The following KCNH7 variants were observed in gnomAD, a reference collection of about 807,000 sequenced individuals.
The protein encoded by KCNH7 is voltage-gated inwardly rectifying potassium channel KCNH7.
KCNH7 carries 49 observed loss-of-function variants against 120.8 expected under a neutral mutation model. The ratio of observed to expected loss-of-function variants is 0.41; its 90% CI spans 0.32 to 0.51. The LOEUF is 0.51. Ranked by LOEUF, KCNH7 falls within the 20% of genes least tolerant of loss-of-function variation. KCNH7 has a pLI of 0.38. For synonymous variants in KCNH7, 547 were observed against 516.1 expected, an observed-to-expected ratio of 1.06 and a Z score of -0.81; for missense variants, 1,097 against 1,446.6, an observed-to-expected ratio of 0.76 and a Z score of 3.92.
Position 162,671,541 on chromosome 2 carries a change from G to A in KCNH7, c.308-134461C>T, listed in dbSNP as rs1056781961. Reference sequence around the variant, plus strand: ...GGACATACAAAGTGAAATAACAGACGTTGGCAACTCCAAAAGGTGGGATAG... The same window carrying A: ...GGACATACAAAGTGAAATAACAGACATTGGCAACTCCAAAAGGTGGGATAG... On this transcript the variant is annotated intron_variant, in intron 2 of 15. Coordinates refer to ENST00000332142, the MANE Select transcript of KCNH7 (RefSeq NM_033272.4). 2.6e-5 allele frequency among the ~76,000 whole-genome samples: 4 copies of A among 151,970 alleles called. No individual in the cohort carries two copies. The East Asian group carries it at 7.7e-4, about 29-fold the overall frequency.
chr2:162,497,433 A>T (rs1268354527), intron 6 of KCNH7, among the ~76,000 whole-genome samples: 2 of 152,132 alleles, frequency 1.3e-5, no homozygotes, highest in African/African-American at 4.8e-5. Context: ...CCGTGCTGGA[A>T]ATGAACCTCC....
intron 2 of KCNH7, among the ~76,000 whole-genome samples, chr2:162,817,447 A>G (rs915066452): frequency 1.2e-4 from 19 of 152,054 alleles, no homozygotes; most frequent in Admixed American, 6.6e-5. Flanking sequence ...CCACAACTTA[A>G]TTTATCTATT....
At chr2:162,623,421 T>C (rs1382476347) in intron 2 of KCNH7, among the ~76,000 whole-genome samples, 1 of 152,174 alleles carries the variant, frequency 6.6e-6, no homozygotes, top group East Asian at 1.9e-4. Flanking sequence ...TGGCTAAGAT[T>C]TATATTACAC....
chr2:162,800,913 G>A (rs1043070337), intron 2 of KCNH7, among the ~76,000 whole-genome samples: 3 of 151,754 alleles, frequency 2.0e-5, no homozygotes, highest in Non-Finnish European at 4.4e-5. Flanking sequence ...GTAGTATTTA[G>A]AAAAACAGAC....
intron 2 of KCNH7, among the ~76,000 whole-genome samples, chr2:162,549,549 T>C (rs1419895584): frequency 6.6e-6 from 1 of 152,194 alleles, no homozygotes; most frequent in Admixed American, 6.5e-5. Flanking sequence ...TCAGGCACTA[T>C]GGTAAGCCAC....
intron 2 of KCNH7, among the ~76,000 whole-genome samples, chr2:162,804,555 T>C (rs1264820687): frequency 1.3e-5 from 2 of 151,972 alleles, no homozygotes; most frequent in African/African-American, 4.8e-5. Context: ...ATGAAAGATC[T>C]GTACAAGTAG....
chr2:162,436,099 G>C (rs537805955), intron 7 of KCNH7, among the ~76,000 whole-genome samples: 1 of 152,016 alleles, frequency 6.6e-6, no homozygotes, highest in Non-Finnish European at 1.5e-5. Flanking sequence ...TAATTTCAGA[G>C]AGAACAAAGT....
At chr2:162,626,490 T>C (rs1432318831) in intron 2 of KCNH7, among the ~76,000 whole-genome samples, 1 of 152,192 alleles carries the variant, frequency 6.6e-6, no homozygotes. Flanking sequence ...ATTTATTTCC[T>C]GTGATTGAAG....
chr2:162,706,156 C>T (rs1397534525), intron 2 of KCNH7, among the ~76,000 whole-genome samples: 3 of 152,104 alleles, frequency 2.0e-5, no homozygotes, highest in East Asian at 1.9e-4. Context: ...CGTGGTGCTT[C>T]GTTGCAGTTT....
At chr2:162,411,078 T>C (rs966667051) in intron 9 of KCNH7, among the ~76,000 whole-genome samples, 1 of 152,056 alleles carries the variant, frequency 6.6e-6, no homozygotes, top group Admixed American at 6.6e-5. Context: ...ACTATTCCAT[T>C]CAACCCAGCA....
intron 2 of KCNH7, among the ~76,000 whole-genome samples, chr2:162,650,087 T>C (rs187583343): frequency 1.6e-3 from 239 of 152,268 alleles, no homozygotes; most frequent in East Asian, 7.7e-4. Context: ...CTATTATAGA[T>C]CTTTAGTTTG....
At chr2:162,741,712 T>A (rs1160259196) in intron 2 of KCNH7, among the ~76,000 whole-genome samples, 1 of 152,082 alleles carries the variant, frequency 6.6e-6, no homozygotes, top group African/African-American at 2.4e-5. Context: ...ATAATGGTAT[T>A]TTATGTTTAT....
intron 6 of KCNH7, among the ~76,000 whole-genome samples, chr2:162,464,863 C>T (rs1689258724): frequency 6.6e-6 from 1 of 151,934 alleles, no homozygotes; most frequent in South Asian, 2.1e-4. Flanking sequence ...TCTATGTTGG[C>T]GTCTAAAGTG....
chr2:162,812,765 C>T (rs1559145486), intron 2 of KCNH7, among the ~76,000 whole-genome samples: 3 of 151,926 alleles, frequency 2.0e-5, no homozygotes, highest in African/African-American at 7.3e-5. Context: ...AATTGAGATT[C>T]AAAGACAGCA....
chr2:162,551,302 G>A (rs1692660129), intron 2 of KCNH7, among the ~76,000 whole-genome samples: 1 of 152,114 alleles, frequency 6.6e-6, no homozygotes, highest in African/African-American at 2.4e-5. Context: ...GTGTTTACAA[G>A]AAAATAACTT....
Position 162,657,177 on chromosome 2 carries a change from G to A in KCNH7, c.308-120097C>T, listed in dbSNP as rs991638515. 3.9e-5 allele frequency among the ~76,000 whole-genome samples: 6 copies of A among 152,104 alleles called. No homozygotes were observed. In the South Asian group the frequency reaches 6.2e-4, roughly 16 times the overall value. Reference sequence around the variant, plus strand: ...GTACCATCATCATCCAAAGTCCATAGTTTACTGTTAGTGTTCACTCTTGGT... The same window carrying A: ...GTACCATCATCATCCAAAGTCCATAATTTACTGTTAGTGTTCACTCTTGGT... On this transcript the variant is annotated intron_variant, in intron 2 of 15. Coordinates refer to ENST00000332142, the MANE Select transcript of KCNH7 (RefSeq NM_033272.4).
intron 2 of KCNH7, among the ~76,000 whole-genome samples, chr2:162,541,327 TAGAATCAA>T (rs1692296069): frequency 6.6e-6 from 1 of 151,924 alleles, no homozygotes; most frequent in Non-Finnish European, 1.5e-5. Flanking sequence ...GGAGGCACCA[TAGAATCAA>T]AGAAGGGAAG....
intron 7 of KCNH7, among the ~76,000 whole-genome samples, chr2:162,444,460 A>C (rs1688520731): frequency 1.3e-5 from 2 of 152,196 alleles, no homozygotes; most frequent in Non-Finnish European, 2.9e-5. Flanking sequence ...ATTGAACTAG[A>C]TAATTTCCTG....
chr2:162,707,053 T>C (rs968947581), intron 2 of KCNH7, among the ~76,000 whole-genome samples: 1 of 152,100 alleles, frequency 6.6e-6, no homozygotes, highest in Non-Finnish European at 1.5e-5. Flanking sequence ...CTTGTGACAG[T>C]CCATTTTTTT....
Sources: gnomAD v4.1 joint callset for allele counts (sites outside exome capture counted in the v4.1 genomes callset) on GRCh38, gnomAD v4.1.1 for gene constraint, MANE v1.5 for transcripts, NCBI Gene and HGNC (gene_info 2026-07-23, HGNC 2026-07-21) for gene names.